Variants in APBA2 observed in about 807,000 individuals in gnomAD.
APBA2 encodes amyloid-beta A4 precursor protein-binding family A member 2.
In APBA2, 30 loss-of-function variants were observed where a neutral mutation model predicts 75.0. The ratio of observed to expected loss-of-function variants is 0.40; its 90% CI spans 0.30 to 0.54. The LOEUF is 0.54. Among genes scored for constraint, APBA2 ranks in the 20% least tolerant of loss-of-function variants. The pLI, the probability that APBA2 is intolerant of heterozygous loss-of-function variation, is 0.49. For missense variants in APBA2, 801 were observed against 1,016.1 expected (o/e 0.79, Z 2.88); for synonymous variants, 444 against 409.6 (o/e 1.08, Z -1.01).
At chr15:29,093,645 T>C (rs2043695668) in intron 7 of APBA2, among the ~76,000 whole-genome samples, 2 of 152,178 alleles carry the variant, frequency 1.3e-5, no homozygotes, top group South Asian at 4.1e-4. Flanking sequence ...AAGTGCTCAT[T>C]GGATTGTCTG....
intron 4 of APBA2, chr15:29,070,547 GA>G (rs2042574141): frequency 6.5e-6 from 1 of 154,102 alleles, no homozygotes. Context: ...TTCTCCTCAA[GA>G]TAAACATCAC....
chr15:28,942,235 C>T (rs1051569120), intron 2 of APBA2, among the ~76,000 whole-genome samples: 3 of 152,202 alleles, frequency 2.0e-5, no homozygotes, highest in Non-Finnish European at 2.9e-5. Flanking sequence ...AGTGCTGTCT[C>T]CCTCCACTGT....
At chr15:29,105,750 CAAA>C (rs1176363457) in intron 11 of APBA2, among the ~76,000 whole-genome samples, 192 bp downstream of exon 11, 2 of 152,198 alleles carry the variant, frequency 1.3e-5, no homozygotes, top group Non-Finnish European at 2.9e-5. Context: ...GTGTTTGTAA[CAAA>C]GAAGCTGATT....
At chr15:29,110,619 G>T (rs891917174) in intron 13 of APBA2, among the ~76,000 whole-genome samples, 2 of 152,226 alleles carry the variant, frequency 1.3e-5, no homozygotes, top group African/African-American at 4.8e-5. Flanking sequence ...ATAACCCCAT[G>T]AGGAGCACAG....
chr15:29,080,411 G>A (rs1187994176), intron 6 of APBA2, among the ~76,000 whole-genome samples: 5 of 152,216 alleles, frequency 3.3e-5, no homozygotes, highest in Non-Finnish European at 4.4e-5. Flanking sequence ...GGAGGGGAGC[G>A]TTCCAGATGC....
chr15:29,020,710 T>C (rs2039909776), intron 3 of APBA2, among the ~76,000 whole-genome samples: 1 of 151,982 alleles, frequency 6.6e-6, no homozygotes, highest in African/African-American at 2.4e-5. Context: ...CTCGGGAGGC[T>C]GGGGCAGGAG....
intron 2 of APBA2, among the ~76,000 whole-genome samples, chr15:28,937,422 T>A (rs1387910055): frequency 6.6e-6 from 1 of 152,108 alleles, no homozygotes; most frequent in African/African-American, 2.4e-5. Flanking sequence ...AGAGTGCGCT[T>A]GGGGTGTGGC....
intron 6 of APBA2, among the ~76,000 whole-genome samples, chr15:29,087,347 C>G (rs114544886): frequency 6.6e-6 from 1 of 152,142 alleles, no homozygotes; most frequent in Non-Finnish European, 1.5e-5. Context: ...CAACTCTGTG[C>G]GTTTTCTTGA....
At chr15:29,057,713 A>G (rs1261786053) in intron 4 of APBA2, among the ~76,000 whole-genome samples, 1 of 152,226 alleles carries the variant, frequency 6.6e-6, no homozygotes, top group Non-Finnish European at 1.5e-5. Flanking sequence ...GATGTGCTGT[A>G]TAACATATTT....
intron 2 of APBA2, among the ~76,000 whole-genome samples, chr15:28,946,787 T>C (rs929382207): frequency 6.6e-6 from 1 of 152,190 alleles, no homozygotes; most frequent in Non-Finnish European, 1.5e-5. Flanking sequence ...CTATATTGCC[T>C]AGGCTGTTCT....
intron 1 of APBA2, among the ~76,000 whole-genome samples, chr15:28,896,944 C>T (rs2032527873): frequency 6.6e-6 from 1 of 152,106 alleles, no homozygotes. Context: ...TTATTGGAAC[C>T]TTCCAGGCTG....
At chr15:28,973,709 A>T (rs981268912) in intron 2 of APBA2, among the ~76,000 whole-genome samples, 1 of 152,222 alleles carries the variant, frequency 6.6e-6, no homozygotes, top group African/African-American at 2.4e-5. Context: ...AATGGCTATA[A>T]ATGTTATATA....
At chr15:28,893,641 A>G (rs1042775177) in intron 1 of APBA2, among the ~76,000 whole-genome samples, 1 of 151,924 alleles carries the variant, frequency 6.6e-6, no homozygotes, top group African/African-American at 2.4e-5. Context: ...AACTTTCTCT[A>G]CCCTTTGAGT....
chr15:28,959,268 T>C (rs2036338330), intron 2 of APBA2, among the ~76,000 whole-genome samples: 1 of 152,202 alleles, frequency 6.6e-6, no homozygotes, highest in Non-Finnish European at 1.5e-5. Context: ...ATTACAGGCA[T>C]GAGCCTCCGC....
intron 3 of APBA2, among the ~76,000 whole-genome samples, chr15:28,999,029 TC>T (rs979014959): frequency 7.9e-5 from 12 of 151,872 alleles, no homozygotes; most frequent in Non-Finnish European, 1.8e-4. Flanking sequence ...ACATCTATAA[TC>T]CCAGCTACTC....
intron 13 of APBA2, among the ~76,000 whole-genome samples, chr15:29,109,800 G>A (rs2044631520): frequency 6.6e-6 from 1 of 152,248 alleles, no homozygotes; most frequent in Non-Finnish European, 1.5e-5. Flanking sequence ...AAAGGTGCTT[G>A]TGAAGATCAG....
chr15:29,059,123 T>C (rs1444714047), intron 4 of APBA2, among the ~76,000 whole-genome samples: 1 of 152,246 alleles, frequency 6.6e-6, no homozygotes, highest in Non-Finnish European at 1.5e-5. Flanking sequence ...CAGCTGAGGT[T>C]GAACAAGGCT....
At chr15:28,984,510 T>C (rs2037793010) in intron 2 of APBA2, among the ~76,000 whole-genome samples, 2 of 152,072 alleles carry the variant, frequency 1.3e-5, no homozygotes, top group African/African-American at 4.8e-5. Flanking sequence ...GTCTCTCTGC[T>C]GTGGTTTCCT....
chr15:29,036,188 C>A (rs1245280535), intron 3 of APBA2, among the ~76,000 whole-genome samples: 1 of 152,204 alleles, frequency 6.6e-6, no homozygotes. Context: ...CCTCCTTGCC[C>A]AGGCCTCAGT....
Sources: allele counts gnomAD v4.1 joint callset (sites outside exome capture counted in the v4.1 genomes callset), GRCh38; gene constraint gnomAD v4.1.1; transcripts MANE v1.5; gene names NCBI Gene and HGNC (gene_info 2026-07-23, HGNC 2026-07-21).